The following PARK7 variants were observed in gnomAD, a reference collection of about 807,000 sequenced individuals.
PARK7 encodes Parkinsonism associated deglycase.
In PARK7, 14 loss-of-function variants were observed where a neutral mutation model predicts 20.5. The ratio of observed to expected loss-of-function variants is 0.68; its 90% CI spans 0.45 to 1.07. The LOEUF (loss-of-function observed/expected upper bound fraction) is 1.07. PARK7 is among the 50% of genes least tolerant of loss of function. The pLI is 0.00. For missense variants in PARK7, 234 were observed against 238.1 expected, an observed-to-expected ratio of 0.98 and a Z score of 0.11; for synonymous variants, 98 against 84.3, an observed-to-expected ratio of 1.16 and a Z score of -0.89.
At chr1:7,966,322 T>G (rs534550930) in intron 3 of PARK7, among the ~76,000 whole-genome samples, 1 of 152,036 alleles carries the variant, frequency 6.6e-6, no homozygotes, top group African/African-American at 2.4e-5. Flanking sequence ...AAGTTTAGAT[T>G]TTTCATTACT....
intron 6 of PARK7, among the ~76,000 whole-genome samples, chr1:7,978,860 A>G (rs1640644581): frequency 7.0e-6 from 1 of 142,792 alleles, no homozygotes; most frequent in African/African-American, 2.5e-5. Context: ...AAAAAAAAAA[A>G]AAAAGTTTCT....
At chr1:7,980,112 G>A (rs1431854795) in intron 6 of PARK7, among the ~76,000 whole-genome samples, 1 of 145,274 alleles carries the variant, frequency 6.9e-6, no homozygotes, top group Non-Finnish European at 1.5e-5. Context: ...AGTGAGCTGA[G>A]ATCGTGCCAC....
chr1:7,969,794 G>C (rs572311500), intron 4 of PARK7, among the ~76,000 whole-genome samples: 8 of 152,194 alleles, frequency 5.3e-5, no homozygotes, highest in African/African-American at 1.7e-4. Flanking sequence ...TGGCCAGTCT[G>C]GTCTCAAACT....
At chr1:7,968,966 G>A in intron 3 of PARK7, 1 of 176,610 alleles carries the variant, frequency 5.7e-6, no homozygotes, top group East Asian at 1.5e-4. Context: ...AGCAACTAGA[G>A]TGTCTTCCTT....
intron 3 of PARK7, among the ~76,000 whole-genome samples, chr1:7,966,768 T>C (rs1640339486): frequency 6.6e-6 from 1 of 152,188 alleles, no homozygotes; most frequent in Non-Finnish European, 1.5e-5. Context: ...TGTCATATGA[T>C]GTCTGGGCAT....
chr1:7,972,749 C>G (rs990667684), intron 5 of PARK7, among the ~76,000 whole-genome samples: 7 of 151,762 alleles, frequency 4.6e-5, no homozygotes, highest in African/African-American at 1.2e-4. Flanking sequence ...ACTAAAAATA[C>G]AAAAGTTAGC....
In PARK7 at chr1:7,965,212, A is replaced by G. The variant is rs990635710; in HGVS notation, c.91-112A>G. The G allele has an allele frequency of 3.2e-5, 30 of 932,592 alleles. No individual in the cohort carries two copies. The African/African-American group carries it at 4.2e-4, about 13-fold the overall frequency. 57.8% of individuals were successfully genotyped at this position (932,592 alleles called of 1,614,324 possible). ...AGCTATGATTGTGTCACTGCCCTCTAGCCCAGGTGACAGGGTGAGACCCCA... is the reference window on the plus strand; with the variant it reads ...AGCTATGATTGTGTCACTGCCCTCTGGCCCAGGTGACAGGGTGAGACCCCA... On this transcript the variant is annotated intron_variant, in intron 2 of 6. Coordinates refer to ENST00000338639, the MANE Select transcript of PARK7 (RefSeq NM_007262.5).
chr1:7,983,347 T>G (rs1245968213), intron 6 of PARK7, among the ~76,000 whole-genome samples: 1 of 152,218 alleles, frequency 6.6e-6, no homozygotes, highest in East Asian at 1.9e-4. Context: ...CTCCGCTAAA[T>G]CTGTTCTGTG....
In PARK7 at chr1:7,984,963, C is replaced by G. The variant is rs1640788969; in HGVS notation, c.479C>G (p.Thr160Ser). 4.3e-6 allele frequency: 7 copies of G among 1,614,152 alleles called. No homozygotes were observed. The South Asian group carries it at 7.7e-5, about 18-fold the overall frequency. ...GLILTSRGPG[T>S]SFEFALAIVE... ...ATTCTTACAAGCCGGGGGCCTGGGACCAGCTTCGAGTTTGCGCTTGCAATT... is the reference window on the plus strand; with the variant it reads ...ATTCTTACAAGCCGGGGGCCTGGGAGCAGCTTCGAGTTTGCGCTTGCAATT... The change falls in exon 7 of 7, where the codon ACC becomes AGC. Residue 160 changes from threonine to serine, a missense_variant. By Grantham distance (58) the Thr-to-Ser change is moderately conservative. Transcript: ENST00000338639. The surrounding 1 kb of genome is among the most constrained non-coding windows in gnomAD (Gnocchi z 4.3).
In PARK7 at chr1:7,970,898, C is replaced by A; in HGVS notation, c.257C>A (p.Ala86Asp). 2.5e-6 allele frequency: 4 copies of A among 1,614,130 alleles called. No homozygotes were observed. The highest frequency in any genetic ancestry group is 3.4e-6 in the Non-Finnish European group (4 of 1,180,002). ...NLGAQNLSES[A>D]AVKEILKEQE... ...TTTTGGTTTTCTTTTCACTAGTCTG[C>A]TGCTGTGAAGGAGATACTGAAGGAG... The change falls in exon 5 of 7, where the codon GCT (alanine) becomes GAT (aspartate). Residue 86 changes from alanine to aspartate, a missense_variant. Ala to Asp is a moderately radical substitution (Grantham distance 126). Coordinates refer to ENST00000338639, the MANE Select transcript of PARK7 (RefSeq NM_007262.5).
chr1:7,962,936 T>TTTTGAATAAAATATTCAAAGTGC (rs1640240663), intron 2 of PARK7, 61 bp downstream of exon 2: 4 of 1,334,350 alleles, frequency 3.0e-6, no homozygotes, highest in Non-Finnish European at 4.3e-6. Context: ...TTTTAAATCA[T>TTTTGAATAAAATATTCAAAGTGC]TTTGAATAAA....
chr1:7,976,362 A>G (rs576410637), intron 5 of PARK7, among the ~76,000 whole-genome samples: 29 of 152,376 alleles, frequency 1.9e-4, no homozygotes, highest in South Asian at 6.2e-4. Flanking sequence ...AAAAGCTTTA[A>G]GATGAAATAA....
chr1:7,962,625 C>T (rs1640231545), intron 1 of PARK7, 138 bp from the exon 2 acceptor site: 2 of 615,696 alleles, frequency 3.2e-6, no homozygotes, highest in Non-Finnish European at 5.7e-6. Flanking sequence ...CTGCTTTTTT[C>T]GTATTCAGTT....
Position 7,984,760 on chromosome 1 carries a change from C to T in PARK7, c.410-134C>T. ...AGGGGGCTTCTAAGAGCTTGGAGTG[C>T]CTAGTAAATGTTTTTGAATGGTTAG... is the stretch of plus-strand genomic sequence containing the variant. On this transcript the variant is annotated intron_variant, in intron 6 of 6. Transcript: ENST00000338639. The surrounding 1 kb of genome is among the most constrained non-coding windows in gnomAD (Gnocchi z 4.3). The T allele has an allele frequency of 9.4e-7, 1 of 1,064,724 alleles. No homozygotes were observed. The highest frequency in any genetic ancestry group is 1.4e-6 in the Non-Finnish European group (1 of 703,750). The allele number at this position is 1,064,724 out of a possible 1,614,324, so 66.0% of individuals were successfully genotyped here. A position where few individuals can be genotyped will look rare whatever the true frequency, so the allele number is the denominator to read the frequency against.
chr1:7,965,364 T>C lies in PARK7; in HGVS notation c.131T>C (p.Val44Ala), dbSNP rs1340110901. 6.2e-7 allele frequency: 1 copy of C among 1,614,100 alleles called. No individual in the cohort carries two copies. Among genetic ancestry groups the C allele is most frequent in the Non-Finnish European group, 8.5e-7 (1 of 1,180,040 alleles). Residue 44 changes from valine (V) to alanine (A), a missense_variant, in exon 3 of 7, where the codon GTA (valine) becomes GCA (alanine). Coordinates refer to ENST00000338639, the MANE Select transcript of PARK7 (RefSeq NM_007262.5). ...TVAGLAGKDP[V>A]QCSRDVVICP... is the part of the protein sequence containing the mutation. ...GCAGGCCTGGCTGGAAAAGACCCAGTACAGTGTAGCCGTGATGTGGTCATT... is the reference window on the plus strand; with the variant it reads ...GCAGGCCTGGCTGGAAAAGACCCAGCACAGTGTAGCCGTGATGTGGTCATT...
chr1:7,964,114 C>G (rs532175308), intron 2 of PARK7, among the ~76,000 whole-genome samples: 1 of 152,252 alleles, frequency 6.6e-6, no homozygotes, highest in East Asian at 1.9e-4. Flanking sequence ...CACCCGCCCC[C>G]ACGCATGTCT....
intron 4 of PARK7, among the ~76,000 whole-genome samples, chr1:7,970,426 T>C (rs1263135857): frequency 1.3e-5 from 2 of 152,078 alleles, no homozygotes; most frequent in Non-Finnish European, 2.9e-5. Context: ...GCAGAGACCA[T>C]TGTTCCTCAT....
intron 2 of PARK7, 97 bp from the exon 3 acceptor site, chr1:7,965,227 G>T: frequency 8.9e-7 from 1 of 1,122,900 alleles, no homozygotes. Flanking sequence ...AGGTGACAGG[G>T]TGAGACCCCA....
intron 3 of PARK7, among the ~76,000 whole-genome samples, chr1:7,967,021 C>A (rs1640344735): frequency 6.6e-6 from 1 of 152,206 alleles, no homozygotes; most frequent in African/African-American, 2.4e-5. Context: ...TTCCTCCTAT[C>A]TAGCTATAAT....
Sources: gnomAD v4.1 joint callset for allele counts (sites outside exome capture counted in the v4.1 genomes callset) on GRCh38, gnomAD v4.1.1 for gene constraint, Gnocchi (gnomAD v3.1) non-coding constraint, MANE v1.5 for transcripts, NCBI Gene and HGNC (gene_info 2026-07-23, HGNC 2026-07-21) for gene names.